Variants in ADAM18 observed in about 807,000 individuals in gnomAD.
ADAM18 encodes ADAM metallopeptidase domain 18.
In ADAM18, 117 loss-of-function variants were observed where a neutral mutation model predicts 94.4. The observed-to-expected ratio is 1.24, with a 90% CI of 1.07 to 1.45. ADAM18 has a LOEUF of 1.45. Ranked by LOEUF, ADAM18 falls within the 40% of genes most tolerant of loss-of-function variation. The pLI is 0.00. For synonymous variants in ADAM18, 327 were observed against 291.6 expected, an observed-to-expected ratio of 1.12 and a Z score of -1.24; for missense variants, 936 against 880.0, an observed-to-expected ratio of 1.06 and a Z score of -0.81.
chr8:39,675,106 G>T (rs1821266028), intron 14 of ADAM18, among the ~76,000 whole-genome samples: 1 of 152,062 alleles, frequency 6.6e-6, no homozygotes. Context: ...GTGTCTTGGG[G>T]TTGCTCTTCT....
At chr8:39,651,445 A>G (rs1458708233) in intron 12 of ADAM18, among the ~76,000 whole-genome samples, 1 of 152,194 alleles carries the variant, frequency 6.6e-6, no homozygotes, top group Non-Finnish European at 1.5e-5. Context: ...TGGCTTTCCT[A>G]GGCAGAGGTC....
At chr8:39,704,100 G>A (rs749305392) in intron 17 of ADAM18, among the ~76,000 whole-genome samples, 1 of 151,966 alleles carries the variant, frequency 6.6e-6, no homozygotes, top group African/African-American at 2.4e-5. Context: ...AGCCCAGGAC[G>A]ATAGATTCAC....
intron 19 of ADAM18, 60 bp from the exon 20 acceptor site, chr8:39,729,838 C>T: frequency 4.4e-6 from 6 of 1,363,540 alleles, no homozygotes; most frequent in Non-Finnish European, 3.1e-6. Context: ...TTAAAATAGG[C>T]AATTGGCTAC....
intron 18 of ADAM18, among the ~76,000 whole-genome samples, chr8:39,708,341 C>T (rs1187577289): frequency 6.6e-6 from 1 of 152,136 alleles, no homozygotes; most frequent in Admixed American, 6.6e-5. Context: ...CAACAAATGT[C>T]ATTCAACAAA....
chr8:39,644,979 C>A (rs1212384721), intron 10 of ADAM18, among the ~76,000 whole-genome samples: 1 of 152,130 alleles, frequency 6.6e-6, no homozygotes, highest in Non-Finnish European at 1.5e-5. Flanking sequence ...TTCCTACCAT[C>A]TATCATAATG....
At chr8:39,709,748 T>C (rs75912878) in intron 18 of ADAM18, among the ~76,000 whole-genome samples, 2,984 of 152,338 alleles carry the variant, frequency 0.02, 91 homozygotes, top group African/African-American at 0.068. Flanking sequence ...TGAAAATTAC[T>C]GGAAAGCAGT....
At chr8:39,691,199 GTACC>G (rs1190319788) in intron 16 of ADAM18, among the ~76,000 whole-genome samples, 3 of 151,956 alleles carry the variant, frequency 2.0e-5, no homozygotes, top group African/African-American at 7.2e-5. Flanking sequence ...AAGGTACAAT[GTACC>G]TTAAAATATG....
At chr8:39,719,118 C>T (rs1239904710) in intron 18 of ADAM18, among the ~76,000 whole-genome samples, 3 of 151,142 alleles carry the variant, frequency 2.0e-5, no homozygotes, top group Admixed American at 6.6e-5. Flanking sequence ...ATCAAGTCAG[C>T]GTGGTACTGT....
intron 6 of ADAM18, among the ~76,000 whole-genome samples, chr8:39,623,533 A>G (rs1356350437): frequency 6.6e-6 from 1 of 151,880 alleles, no homozygotes; most frequent in African/African-American, 2.4e-5. Flanking sequence ...GTTTTTTAAT[A>G]ATGACCATTC....
chr8:39,587,211 T>C (rs1818430144), intron 2 of ADAM18, among the ~76,000 whole-genome samples: 1 of 152,188 alleles, frequency 6.6e-6, no homozygotes, highest in Admixed American at 6.5e-5. Flanking sequence ...CATACTTTTG[T>C]TTTGTGTTTT....
At chr8:39,605,747 T>G (rs12156300) in intron 2 of ADAM18, 18,016 of 220,866 alleles carry the variant, frequency 0.082, 930 homozygotes, top group Non-Finnish European at 0.11. Context: ...GAGCAGGTGG[T>G]ATTTGGTTAC....
At chr8:39,688,424 C>T (rs1325011501) in intron 16 of ADAM18, among the ~76,000 whole-genome samples, 1 of 152,082 alleles carries the variant, frequency 6.6e-6, no homozygotes, top group African/African-American at 2.4e-5. Context: ...GTGTTGTTCC[C>T]TTCTATGTGT....
At chr8:39,661,065 G>A (rs1585951605) in intron 12 of ADAM18, among the ~76,000 whole-genome samples, 2 of 150,940 alleles carry the variant, frequency 1.3e-5, no homozygotes, top group Non-Finnish European at 2.9e-5. Context: ...TTTGGTTACT[G>A]TGATTGATCA....
At position 39,686,058 on chromosome 8, in the gene ADAM18, T is replaced by C. The variant is rs553691204; in HGVS notation, c.1821+5832T>C. 6.6e-5 allele frequency among the ~76,000 whole-genome samples: 10 copies of C among 152,318 alleles called. No individual in the cohort carries two copies. In the East Asian group the frequency reaches 1.9e-3, roughly 29 times the overall value. The stretch of plus-strand genomic sequence containing the variant: ...CCTGTGAGAAAACTGAGGTTTTCTC[T>C]AAAGCTGTCCTTTTCTTCTGAGCCC... On this transcript the variant is annotated intron_variant, in intron 16 of 19. Transcript: ENST00000265707.
chr8:39,718,080 G>A (rs1184139813), intron 18 of ADAM18, among the ~76,000 whole-genome samples: 4 of 151,396 alleles, frequency 2.6e-5, no homozygotes, highest in Admixed American at 2.6e-4. Flanking sequence ...AACAAATAAA[G>A]GATGTGAAGA....
chr8:39,584,637 C>A lies in ADAM18; in HGVS notation c.15C>A (p.Leu5=). ...CTGGCTGAGCCATGTTCCTTCTCCT[C>A]GCCCTCCTCACTGAGCTTGGAAGAC... MFLL[L]ALLTELGRLQ... is the part of the protein sequence containing the mutation. Residue 5 remains leucine, a synonymous_variant, in exon 1 of 20, where the codon CTC becomes CTA. Coordinates refer to ENST00000265707, the MANE Select transcript of ADAM18 (RefSeq NM_014237.3). 1 of 1,613,266 alleles carries A rather than the reference C, an allele frequency of 6.2e-7. No homozygotes were observed.
At chr8:39,711,361 G>A (rs1822391848) in intron 18 of ADAM18, among the ~76,000 whole-genome samples, 1 of 152,032 alleles carries the variant, frequency 6.6e-6, no homozygotes, top group Non-Finnish European at 1.5e-5. Context: ...AATTCACAAG[G>A]CTTAAAAAGG....
At chr8:39,720,029 G>T (rs1822703408) in intron 18 of ADAM18, among the ~76,000 whole-genome samples, 1 of 150,472 alleles carries the variant, frequency 6.6e-6, no homozygotes, top group South Asian at 2.1e-4. Context: ...AACAATTTTT[G>T]TAATAGATAA....
At chr8:39,624,231 T>C (rs1462764528) in intron 6 of ADAM18, among the ~76,000 whole-genome samples, 2 of 152,228 alleles carry the variant, frequency 1.3e-5, no homozygotes, top group Non-Finnish European at 2.9e-5. Context: ...CCTAGGGCAA[T>C]GTCCAGAAGA....
Sources: gnomAD v4.1 joint callset for allele counts (sites outside exome capture counted in the v4.1 genomes callset) on GRCh38, gnomAD v4.1.1 for gene constraint, MANE v1.5 for transcripts, NCBI Gene and HGNC (gene_info 2026-07-23, HGNC 2026-07-21) for gene names.